The following SHISAL1 variants were observed in gnomAD, a reference collection of about 807,000 sequenced individuals.
The protein encoded by SHISAL1 is shisa like 1.
Under a neutral mutation model 22.6 loss-of-function variants are expected in SHISAL1, and 9 were observed. The ratio of observed to expected loss-of-function variants is 0.40; its 90% CI spans 0.24 to 0.70. The LOEUF (loss-of-function observed/expected upper bound fraction) is 0.70, where lower values mean the gene tolerates loss of function less well. Ranked by LOEUF, SHISAL1 falls within the 30% of genes least tolerant of loss-of-function variation. SHISAL1 has a pLI of 0.39. For missense variants in SHISAL1, 246 were observed against 270.6 expected (o/e 0.91, Z 0.64); for synonymous variants, 119 against 115.4 (o/e 1.03, Z -0.20).
At chr22:44,269,225 G>A (rs1290783769) in intron 4 of SHISAL1, among the ~76,000 whole-genome samples, 2 of 147,226 alleles carry the variant, frequency 1.4e-5, no homozygotes, top group African/African-American at 2.5e-5. Context: ...CACACACCAC[G>A]CCACACAGAC....
chr22:44,252,957 C>G (rs1349387052), intron 4 of SHISAL1, among the ~76,000 whole-genome samples: 1 of 151,648 alleles, frequency 6.6e-6, no homozygotes, highest in Non-Finnish European at 1.5e-5. Flanking sequence ...GATCACGCCA[C>G]TGCACTCCAG....
At chr22:44,325,261 A>AG in the SHISAL1 span, among the ~76,000 whole-genome samples, 1 of 151,592 alleles carries the variant, frequency 6.6e-6, no homozygotes, top group East Asian at 1.9e-4. Context: ...AAAAAAAAAA[A>AG]AGACCCTGCT....
chr22:44,267,571 G>A (rs1034052917), intron 4 of SHISAL1, among the ~76,000 whole-genome samples: 12 of 152,122 alleles, frequency 7.9e-5, no homozygotes, highest in Non-Finnish European at 1.5e-4. Context: ...AGGCAAATGC[G>A]TCCTGTCACT....
At chr22:44,330,093 C>G in the SHISAL1 span, among the ~76,000 whole-genome samples, 2 of 152,222 alleles carry the variant, frequency 1.3e-5, no homozygotes, top group Non-Finnish European at 1.5e-5. Flanking sequence ...TAGACAATGC[C>G]CAGAGCAGGG....
rs1240842402 is a variant in SHISAL1, at chr22:44,247,202, A to C, written c.*2483T>G. The C allele has an allele frequency of 2.6e-5, 4 of 152,238 alleles. No individual in the cohort carries two copies. The highest frequency in any genetic ancestry group is 6.5e-5 in the Admixed American group (1 of 15,284). 9.4% of individuals were successfully genotyped at this position (152,238 alleles called of 1,614,324 possible). A position where few individuals can be genotyped will look rare whatever the true frequency, so the allele number is the denominator to read the frequency against. Reference sequence around the variant, plus strand: ...AGAGCATTGTCCAGGACAGCAGGACACGAGGGTTGCAAACTCCTTAAATAC... The same window carrying C: ...AGAGCATTGTCCAGGACAGCAGGACCCGAGGGTTGCAAACTCCTTAAATAC... On this transcript the variant is annotated 3_prime_UTR_variant, in exon 5 of 5. Transcript: ENST00000381176.
At chr22:44,281,139 G>C (rs2055273621) in intron 4 of SHISAL1, among the ~76,000 whole-genome samples, 1 of 152,114 alleles carries the variant, frequency 6.6e-6, no homozygotes, top group East Asian at 1.9e-4. Flanking sequence ...GTCAGGGTGA[G>C]GGGACCAGGG....
At position 44,310,241 on chromosome 22, in the gene SHISAL1, C is replaced by T. The variant is rs544817521; in HGVS notation, c.-33+2510G>A. Reference sequence around the variant, plus strand: ...CTCTATGGGCAGCACAGGCCTGACACGTAGTAGGCACTTTATAAACATGTG... The same window carrying T: ...CTCTATGGGCAGCACAGGCCTGACATGTAGTAGGCACTTTATAAACATGTG... On this transcript the variant is annotated intron_variant, in intron 1 of 4. Coordinates refer to ENST00000381176, the MANE Select transcript of SHISAL1 (RefSeq NM_001099294.2). This position sits in a 1 kb window ranked among gnomAD's most constrained non-coding sequence, Gnocchi z 4.0. Among the ~76,000 whole-genome samples the T allele has an allele frequency of 1.3e-5, 2 of 152,298 alleles. No individual in the cohort carries two copies. The highest frequency in any genetic ancestry group is 4.8e-5 in the African/African-American group (2 of 41,562).
chr22:44,319,615 C>T, the SHISAL1 span, among the ~76,000 whole-genome samples: 1 of 152,234 alleles, frequency 6.6e-6, no homozygotes, highest in East Asian at 1.9e-4. Context: ...TGGGTGAAAT[C>T]CTCCAGCCGC....
chr22:44,261,100 C>CATATATATATATATAT (rs1457689043), intron 4 of SHISAL1, among the ~76,000 whole-genome samples: 7 of 117,828 alleles, frequency 5.9e-5, no homozygotes, highest in African/African-American at 2.3e-4. Context: ...TATATATATA[C>CATATATATATATATAT]ACTATATGGA....
chr22:44,307,625 CGTT>C (rs1393561860), intron 1 of SHISAL1, among the ~76,000 whole-genome samples: 1 of 152,174 alleles, frequency 6.6e-6, no homozygotes, highest in Admixed American at 6.5e-5. Flanking sequence ...CCTGAACGCT[CGTT>C]GTTTGACCAT....
chr22:44,330,938 G>T, the SHISAL1 span, among the ~76,000 whole-genome samples: 2 of 152,022 alleles, frequency 1.3e-5, no homozygotes, highest in African/African-American at 2.4e-5. Flanking sequence ...CCCGTCCCCT[G>T]CGCTGCCCAG....
At chr22:44,276,174 A>C (rs2055238403) in intron 4 of SHISAL1, among the ~76,000 whole-genome samples, 1 of 152,180 alleles carries the variant, frequency 6.6e-6, no homozygotes, top group Admixed American at 6.5e-5. Context: ...TCTATTTTGT[A>C]AACCTTGGCC....
At chr22:44,308,468 A>C (rs2147310088) in intron 1 of SHISAL1, among the ~76,000 whole-genome samples, 1 of 152,002 alleles carries the variant, frequency 6.6e-6, no homozygotes, top group East Asian at 1.9e-4. Flanking sequence ...CTGGGCCTTT[A>C]CTCATGCTGT....
At position 44,247,178 on chromosome 22, in the gene SHISAL1, G is replaced by C. The variant is rs2055008449; in HGVS notation, c.*2507C>G. On this transcript the variant is annotated 3_prime_UTR_variant, in exon 5 of 5. Coordinates refer to ENST00000381176, the MANE Select transcript of SHISAL1 (RefSeq NM_001099294.2). ...CTTTTTGGCAGAGGAAGCACCTACA[G>C]AGCATTGTCCAGGACAGCAGGACAC... 6.6e-6 allele frequency: 1 copy of C among 152,492 alleles called. No individual in the cohort carries two copies. Among genetic ancestry groups the C allele is most frequent in the East Asian group, 1.9e-4 (1 of 5,190 alleles). The allele number at this position is 152,492 out of a possible 1,614,324, so 9.4% of individuals were successfully genotyped here.
upstream of SHISAL1, among the ~76,000 whole-genome samples, chr22:44,316,002 G>A (rs2055556188): frequency 6.6e-6 from 1 of 152,172 alleles, no homozygotes; most frequent in Non-Finnish European, 1.5e-5. Context: ...GTGGAGCAGG[G>A]CAATGATAAC....
chr22:44,272,091 G>A (rs1183611079), intron 4 of SHISAL1, among the ~76,000 whole-genome samples: 2 of 152,142 alleles, frequency 1.3e-5, no homozygotes, highest in African/African-American at 4.8e-5. Flanking sequence ...CTCTGAGGAG[G>A]GGGCTTCTAT....
At chr22:44,309,831 T>G (rs1205270476) in intron 1 of SHISAL1, among the ~76,000 whole-genome samples, 2 of 152,224 alleles carry the variant, frequency 1.3e-5, no homozygotes, top group Non-Finnish European at 2.9e-5. Flanking sequence ...ACTTAGAGGT[T>G]ATGAAATCTC....
At chr22:44,259,544 T>C (rs1365096786) in intron 4 of SHISAL1, among the ~76,000 whole-genome samples, 2 of 150,150 alleles carry the variant, frequency 1.3e-5, no homozygotes, top group Non-Finnish European at 3.0e-5. Flanking sequence ...GCTTCCTGGG[T>C]GGAGCCCTCG....
chr22:44,292,286 C>T (rs943156122), intron 3 of SHISAL1, among the ~76,000 whole-genome samples: 71 of 152,176 alleles, frequency 4.7e-4, no homozygotes, highest in African/African-American at 1.6e-3. Flanking sequence ...TCCATCTAGA[C>T]GGGCTGCTGG....
Sources: allele counts gnomAD v4.1 joint callset (sites outside exome capture counted in the v4.1 genomes callset), GRCh38; gene constraint gnomAD v4.1.1; non-coding constraint Gnocchi (gnomAD v3.1); transcripts MANE v1.5; gene names NCBI Gene and HGNC (gene_info 2026-07-23, HGNC 2026-07-21).